The following PTGFRN variants were observed in gnomAD, a reference collection of about 807,000 sequenced individuals.
PTGFRN encodes the protein prostaglandin F2 receptor negative regulator.
Under a neutral mutation model 83.2 loss-of-function variants are expected in PTGFRN, and 35 were observed. The observed-to-expected ratio is 0.42, with a 90% CI of 0.32 to 0.56. PTGFRN has a LOEUF of 0.56. Ranked by LOEUF, PTGFRN falls within the 20% of genes least tolerant of loss-of-function variation. PTGFRN has a pLI of 0.11. For synonymous variants in PTGFRN, 519 were observed against 498.6 expected (o/e 1.04, Z -0.55); for missense variants, 1,051 against 1,179.5 (o/e 0.89, Z 1.60).
At chr1:116,953,683 G>C (rs777665925) in intron 4 of PTGFRN, among the ~76,000 whole-genome samples, 3 of 151,836 alleles carry the variant, frequency 2.0e-5, no homozygotes, top group African/African-American at 4.8e-5. Context: ...CCAGCATAGA[G>C]GAATTAGGAA....
chr1:116,973,903 C>T (rs1651070436), intron 6 of PTGFRN, among the ~76,000 whole-genome samples: 1 of 152,194 alleles, frequency 6.6e-6, no homozygotes, highest in African/African-American at 2.4e-5. Flanking sequence ...AGAACCAGCC[C>T]AGGCTGTTCC....
In PTGFRN at chr1:116,910,031, G is replaced by C. The variant is rs1215001312; in HGVS notation, c.-173G>C. 2.7e-6 allele frequency: 2 copies of C among 746,196 alleles called. No individual in the cohort carries two copies. Among genetic ancestry groups the C allele is most frequent in the Admixed American group, 2.1e-5 (1 of 47,344 alleles). 46.2% of individuals were successfully genotyped at this position (746,196 alleles called of 1,614,324 possible). A position where few individuals can be genotyped will look rare whatever the true frequency, so the allele number is the denominator to read the frequency against. On this transcript the variant is annotated 5_prime_UTR_variant, in exon 1 of 9. Coordinates refer to ENST00000393203, the MANE Select transcript of PTGFRN (RefSeq NM_020440.4). ...AGGCGGGAGGGAGCGAGCGGAGCCA[G>C]GGGCGCACGTACGCCCCAGCGCTGG...
intron 1 of PTGFRN, among the ~76,000 whole-genome samples, chr1:116,928,121 A>G (rs1649701096): frequency 6.6e-6 from 1 of 152,182 alleles, no homozygotes; most frequent in African/African-American, 2.4e-5. Flanking sequence ...TTCTGTAGCC[A>G]GGCACAGGCT....
chr1:116,944,417 C>T (rs559866441), intron 2 of PTGFRN, among the ~76,000 whole-genome samples: 1 of 152,322 alleles, frequency 6.6e-6, no homozygotes, highest in South Asian at 2.1e-4. Flanking sequence ...AGCAGAAGCA[C>T]ATCACATCCC....
chr1:116,967,151 G>T lies in PTGFRN; in HGVS notation c.1880G>T (p.Gly627Val). 3 of 1,614,184 alleles carry T rather than the reference G, an allele frequency of 1.9e-6. No individual in the cohort carries two copies. Among genetic ancestry groups the T allele is most frequent in the Non-Finnish European group, 2.5e-6 (3 of 1,180,038 alleles). Residue 627 changes from glycine (G) to valine (V), a missense_variant, in exon 6 of 9, where the codon GGC becomes GTC. Gly to Val is a moderately radical substitution (Grantham distance 109, BLOSUM62 -3). Around this residue, in one of 3 missense-constraint regions of PTGFRN, gnomAD observed 719 missense variants for 836.6 expected, o/e 0.86. Transcript: ENST00000393203. The stretch of plus-strand genomic sequence containing the variant: ...TGGACAGATGCATCACGGGTGGATG[G>T]CGTTGTTTTAGAAAAAGTGCAGGAG... Reference protein sequence around the residue: ...ENWTDASRVDGVVLEKVQEDE... With the variant: ...ENWTDASRVDVVVLEKVQEDE...
At chr1:116,935,662 T>C (rs2246213) in intron 1 of PTGFRN, among the ~76,000 whole-genome samples, 22,544 of 152,216 alleles carry the variant, frequency 0.15, 2,918 homozygotes, top group African/African-American at 0.35. Flanking sequence ...AAACACTGCA[T>C]GAAGGTGATA....
chr1:116,965,295 T>A (rs1187479683), intron 5 of PTGFRN, among the ~76,000 whole-genome samples: 1 of 152,114 alleles, frequency 6.6e-6, no homozygotes, highest in Admixed American at 6.6e-5. Flanking sequence ...TTTAATTTTA[T>A]TTTTTTAGAA....
rs1651548073 is a variant in PTGFRN, at chr1:116,987,726, A to G, written c.*759A>G. 6.5e-6 allele frequency: 1 copy of G among 152,672 alleles called. No individual in the cohort carries two copies. The highest frequency in any genetic ancestry group is 2.4e-5 in the African/African-American group (1 of 41,438). 9.5% of individuals were successfully genotyped at this position (152,672 alleles called of 1,614,324 possible). On this transcript the variant is annotated 3_prime_UTR_variant, in exon 9 of 9. Transcript: ENST00000393203. ...CTTAGCCTTAAGAATGAATATGAAGAAAAATACACAGCCACCTCTGTCCAG... is the reference window on the plus strand; with the variant it reads ...CTTAGCCTTAAGAATGAATATGAAGGAAAATACACAGCCACCTCTGTCCAG...
In PTGFRN at chr1:116,980,786, A is replaced by G. The variant is rs190301282; in HGVS notation, c.2168-3894A>G. Among the ~76,000 whole-genome samples, 1,346 of 152,322 alleles carry G rather than the reference A, an allele frequency of 8.8e-3. 17 individuals carry two copies. The highest frequency in any genetic ancestry group is 0.012 in the Non-Finnish European group (826 of 68,032). The stretch of plus-strand genomic sequence containing the variant: ...GAGTTAATGGGTGCAGCACACCAAC[A>G]TGGCACATGTATACATATGTAACAA... On this transcript the variant is annotated intron_variant, in intron 7 of 8. Coordinates refer to ENST00000393203, the MANE Select transcript of PTGFRN (RefSeq NM_020440.4).
chr1:116,937,909 A>G (rs1649961935), intron 1 of PTGFRN, among the ~76,000 whole-genome samples: 1 of 152,136 alleles, frequency 6.6e-6, no homozygotes, highest in Admixed American at 6.6e-5. Context: ...TCCTTACCAC[A>G]GCCCTCAGGG....
intron 1 of PTGFRN, among the ~76,000 whole-genome samples, chr1:116,924,143 ATT>A (rs147663868): frequency 0.06 from 6,940 of 115,674 alleles, 277 homozygotes; most frequent in African/African-American, 0.23. Flanking sequence ...CTGTGCATGT[ATT>A]TTTTTTTTTT....
chr1:116,916,048 A>G (rs983292803), intron 1 of PTGFRN, among the ~76,000 whole-genome samples: 1 of 152,204 alleles, frequency 6.6e-6, no homozygotes, highest in African/African-American at 2.4e-5. Context: ...TCCCAGCAAT[A>G]TGCGTTTCCA....
chr1:116,910,128 C>T lies in PTGFRN; in HGVS notation c.-76C>T, dbSNP rs1436224604. 1.4e-6 allele frequency: 2 copies of T among 1,462,712 alleles called. No homozygotes were observed. The highest frequency in any genetic ancestry group is 2.0e-5 in the Admixed American group (1 of 50,052). The allele number at this position is 1,462,712 out of a possible 1,614,324, so 90.6% of individuals were successfully genotyped here. Reference sequence around the variant, plus strand: ...GGAGGAGCGCCGACTCTGGAGCAGCCGGAGCTGGAAGAGGAGGAGGAGGAG... The same window carrying T: ...GGAGGAGCGCCGACTCTGGAGCAGCTGGAGCTGGAAGAGGAGGAGGAGGAG... On this transcript the variant is annotated 5_prime_UTR_variant, in exon 1 of 9. Coordinates refer to ENST00000393203, the MANE Select transcript of PTGFRN (RefSeq NM_020440.4).
At chr1:116,938,755 A>G (rs1302643183) in intron 1 of PTGFRN, among the ~76,000 whole-genome samples, 1 of 152,232 alleles carries the variant, frequency 6.6e-6, no homozygotes, top group Non-Finnish European at 1.5e-5. Flanking sequence ...CCACAGTTCA[A>G]AGTCTCATTT....
intron 1 of PTGFRN, among the ~76,000 whole-genome samples, chr1:116,912,333 G>T (rs996304868): frequency 6.6e-6 from 1 of 152,106 alleles, no homozygotes; most frequent in Non-Finnish European, 1.5e-5. Flanking sequence ...AATCTCACTC[G>T]GTGTGGCTTC....
At chr1:116,964,270 T>A (rs77270722) in intron 5 of PTGFRN, among the ~76,000 whole-genome samples, 9,471 of 152,256 alleles carry the variant, frequency 0.062, 397 homozygotes, top group South Asian at 0.1. Context: ...CTCAGCTGCT[T>A]GTGGTAAGAT....
At chr1:116,936,855 C>G (rs1448448315) in intron 1 of PTGFRN, among the ~76,000 whole-genome samples, 1 of 152,134 alleles carries the variant, frequency 6.6e-6, no homozygotes, top group Non-Finnish European at 1.5e-5. Flanking sequence ...GTTCTAGGCA[C>G]TGTCATTCAG....
rs536980264 is a variant in PTGFRN, at chr1:116,960,305, G to C, written c.1214-938G>C. Among the ~76,000 whole-genome samples, 375 of 152,312 alleles carry C rather than the reference G, an allele frequency of 2.5e-3. 3 individuals carry two copies. The highest frequency in any genetic ancestry group is 1.2e-3 in the East Asian group (6 of 5,186). On this transcript the variant is annotated intron_variant, in intron 4 of 8. Transcript: ENST00000393203. The stretch of plus-strand genomic sequence containing the variant: ...CGAGTAATCAGGTGTAGAGGAGCTG[G>C]GGGAAAGGAGAGGAAGCCACAAGAG...
At chr1:116,944,568 C>T (rs371641694) in intron 2 of PTGFRN, 111 bp from the exon 3 acceptor site, 2 of 1,126,956 alleles carry the variant, frequency 1.8e-6, no homozygotes, top group Non-Finnish European at 2.3e-6. Context: ...CCATCCGGGT[C>T]TTGGAATGGG....
Sources: allele counts gnomAD v4.1 joint callset (sites outside exome capture counted in the v4.1 genomes callset), GRCh38; gene constraint gnomAD v4.1.1; regional missense constraint gnomAD v4.1.1; transcripts MANE v1.5; gene names NCBI Gene and HGNC (gene_info 2026-07-23, HGNC 2026-07-21).